Variants in WDFY3 observed in about 807,000 individuals in gnomAD.
The protein encoded by WDFY3 is WD repeat and FYVE domain-containing protein 3.
In WDFY3, 66 loss-of-function variants were observed where a neutral mutation model predicts 409.6. That is an observed-to-expected ratio of 0.16 (90% CI 0.13 to 0.20). WDFY3 has a LOEUF of 0.20. Ranked by LOEUF, WDFY3 falls within the 10% of genes least tolerant of loss-of-function variation. The probability of loss-of-function intolerance (pLI) is 1.00; values close to 1 mark genes in which losing one functional copy is unlikely to be tolerated. For synonymous variants in WDFY3, 1,521 were observed against 1,537.1 expected (o/e 0.99, Z 0.25); for missense variants, 3,031 against 4,298.1 (o/e 0.71, Z 8.24).
intron 21 of WDFY3, among the ~76,000 whole-genome samples, chr4:84,792,940 G>T (rs1438115330): frequency 6.6e-6 from 1 of 152,060 alleles, no homozygotes; most frequent in Non-Finnish European, 1.5e-5. Flanking sequence ...ACAAAGATAA[G>T]CAGACAAAAC....
chr4:84,714,150 T>G (rs527482560), intron 50 of WDFY3, among the ~76,000 whole-genome samples: 1 of 152,250 alleles, frequency 6.6e-6, no homozygotes, highest in African/African-American at 2.4e-5. Context: ...TTTGAAACAG[T>G]GCCTTGCTCA....
At chr4:84,884,261 G>A (rs1219748392) in intron 3 of WDFY3, among the ~76,000 whole-genome samples, 2 of 151,722 alleles carry the variant, frequency 1.3e-5, no homozygotes, top group Non-Finnish European at 2.9e-5. Context: ...ATTTCAACTT[G>A]TTTTTTAAAG....
intron 5 of WDFY3, among the ~76,000 whole-genome samples, chr4:84,846,114 G>A (rs193174766): frequency 5.3e-5 from 8 of 152,052 alleles, no homozygotes; most frequent in Admixed American, 3.3e-4. Context: ...TTTGAGATAC[G>A]GTACTTAGGA....
At position 84,829,678 on chromosome 4, in the gene WDFY3, G is replaced by A. The variant is rs182961841; in HGVS notation, c.770-488C>T. On this transcript the variant is annotated intron_variant, in intron 8 of 67. Transcript: ENST00000295888. Reference sequence around the variant, plus strand: ...AAAAATTAGCTGGGTATGGTGGCACGCGCCTGTAGTCCCAGCTACTCGGGA... The same window carrying A: ...AAAAATTAGCTGGGTATGGTGGCACACGCCTGTAGTCCCAGCTACTCGGGA... Among the ~76,000 whole-genome samples, 1,023 of 151,930 alleles carry A rather than the reference G, an allele frequency of 6.7e-3. 11 individuals carry two copies. Among genetic ancestry groups the A allele is most frequent in the African/African-American group, 0.023 (951 of 41,474 alleles).
intron 51 of WDFY3, among the ~76,000 whole-genome samples, chr4:84,711,709 GGTGTGGTGGCGCGCAC>G (rs1732927028): frequency 6.6e-6 from 1 of 151,938 alleles, no homozygotes; most frequent in African/African-American, 2.4e-5. Flanking sequence ...AAATTAGCCA[GGTGTGGTGGCGCGCAC>G]CTGTAGTCCC....
intron 36 of WDFY3, chr4:84,751,182 G>C: frequency 2.5e-6 from 1 of 406,166 alleles, no homozygotes; most frequent in Non-Finnish European, 4.6e-6. Context: ...ATGTGACAGA[G>C]ACCGTATGGC....
intron 37 of WDFY3, among the ~76,000 whole-genome samples, chr4:84,742,907 C>T (rs1240603200): frequency 1.3e-5 from 2 of 152,174 alleles, no homozygotes; most frequent in East Asian, 1.9e-4. Context: ...ATTATTCTCA[C>T]CTAATGCTAA....
At chr4:84,686,410 C>T (rs938290456) in intron 62 of WDFY3, among the ~76,000 whole-genome samples, 8 of 152,202 alleles carry the variant, frequency 5.3e-5, no homozygotes, top group African/African-American at 1.4e-4. Flanking sequence ...AACCTGAGTA[C>T]GTCTGCCATT....
chr4:84,686,776 T>C (rs1728399625), intron 62 of WDFY3, among the ~76,000 whole-genome samples: 1 of 152,156 alleles, frequency 6.6e-6, no homozygotes. Context: ...ACACACATTA[T>C]CTACTTGCTA....
intron 3 of WDFY3, among the ~76,000 whole-genome samples, chr4:84,892,891 G>A (rs1308550957): frequency 6.6e-6 from 1 of 152,216 alleles, no homozygotes; most frequent in Non-Finnish European, 1.5e-5. Context: ...CATAGTCAAG[G>A]AATGTTTCTC....
chr4:84,795,126 T>C (rs546005417), intron 19 of WDFY3, 147 bp from the exon 20 acceptor site: 3 of 472,996 alleles, frequency 6.3e-6, no homozygotes, highest in Non-Finnish European at 1.1e-5. Context: ...GCAAAGCCCT[T>C]CCCTTCTTTT....
intron 56 of WDFY3, among the ~76,000 whole-genome samples, chr4:84,701,232 A>C (rs1461451476): frequency 6.6e-6 from 1 of 152,140 alleles, no homozygotes; most frequent in Non-Finnish European, 1.5e-5. Flanking sequence ...CTAAGTCCTA[A>C]AGTTGTGTCT....
chr4:84,758,691 G>T (rs544186065), intron 32 of WDFY3, among the ~76,000 whole-genome samples: 1 of 151,932 alleles, frequency 6.6e-6, no homozygotes, highest in Non-Finnish European at 1.5e-5. Context: ...TCAGTGTGAC[G>T]TGATTAACTC....
In WDFY3 at chr4:84,678,631, C is replaced by T. The variant is rs192792655; in HGVS notation, c.10147+288G>A. ...TTATTTATTCATTTTTAATTAGCTT[C>T]TGTGATTTAATGAGTTGTGAATAAA... On this transcript the variant is annotated intron_variant, in intron 65 of 67. Transcript: ENST00000295888. 5.5e-3 allele frequency among the ~76,000 whole-genome samples: 844 copies of T among 152,336 alleles called. 34 individuals are homozygous for T. The highest frequency in any genetic ancestry group is 0.048 in the Admixed American group (740 of 15,302).
chr4:84,675,779 T>C (rs2148716532), intron 67 of WDFY3, among the ~76,000 whole-genome samples: 1 of 152,310 alleles, frequency 6.6e-6, no homozygotes, highest in East Asian at 1.9e-4. Context: ...TGGAATCCTT[T>C]CTGTTGTCTG....
chr4:84,734,655 C>T (rs1379420370), intron 43 of WDFY3, among the ~76,000 whole-genome samples: 1 of 152,120 alleles, frequency 6.6e-6, no homozygotes, highest in Non-Finnish European at 1.5e-5. Context: ...TAATTTTTTA[C>T]AATTTTAAGA....
intron 3 of WDFY3, among the ~76,000 whole-genome samples, chr4:84,884,936 T>C (rs1763993248): frequency 6.6e-6 from 1 of 152,178 alleles, no homozygotes; most frequent in South Asian, 2.1e-4. Context: ...GCGTTCAAAA[T>C]GGATTAAAGA....
chr4:84,913,729 A>T (rs1273218409), intron 2 of WDFY3, among the ~76,000 whole-genome samples: 1 of 152,058 alleles, frequency 6.6e-6, no homozygotes, highest in Non-Finnish European at 1.5e-5. Context: ...AGGATTGGAA[A>T]AGAAATATTT....
intron 64 of WDFY3, 83 bp downstream of exon 64, chr4:84,682,291 A>T: frequency 7.6e-7 from 1 of 1,318,692 alleles, no homozygotes; most frequent in Non-Finnish European, 1.1e-6. Flanking sequence ...GCTCCTCTTT[A>T]TGTTGTTTGG....
Sources: gnomAD v4.1 joint callset for allele counts (sites outside exome capture counted in the v4.1 genomes callset) on GRCh38, gnomAD v4.1.1 for gene constraint, MANE v1.5 for transcripts, NCBI Gene and HGNC (gene_info 2026-07-23, HGNC 2026-07-21) for gene names.